The following PIP4K2C variants were observed in gnomAD, a reference collection of about 807,000 sequenced individuals.
The protein encoded by PIP4K2C is phosphatidylinositol-5-phosphate 4-kinase type 2 gamma.
Under a neutral mutation model 45.0 loss-of-function variants are expected in PIP4K2C, and 21 were observed. The ratio of observed to expected loss-of-function variants is 0.47; its 90% CI spans 0.33 to 0.67. The LOEUF (loss-of-function observed/expected upper bound fraction) is 0.67. Among genes scored for constraint, PIP4K2C ranks in the 30% least tolerant of loss-of-function variants. The pLI is 0.02. For missense variants in PIP4K2C, 456 were observed against 542.8 expected (o/e 0.84, Z 1.59); for synonymous variants, 201 against 204.8 (o/e 0.98, Z 0.16).
intron 1 of PIP4K2C, among the ~76,000 whole-genome samples, chr12:57,592,619 C>T (rs547707573): frequency 2.0e-5 from 3 of 152,090 alleles, no homozygotes; most frequent in Admixed American, 6.5e-5. Context: ...CTCATATGTA[C>T]CTTCCAGGTG....
At chr12:57,593,800 G>A (rs1410733351) in intron 1 of PIP4K2C, among the ~76,000 whole-genome samples, 1 of 150,768 alleles carries the variant, frequency 6.6e-6, no homozygotes, top group Non-Finnish European at 1.5e-5. Flanking sequence ...GTTCCATGGG[G>A]GTGGGCGTGT....
chr12:57,594,127 G>A lies in PIP4K2C; in HGVS notation c.272+5G>A, dbSNP rs758142748. 2 of 1,607,516 alleles carry A rather than the reference G, an allele frequency of 1.2e-6. No individual in the cohort carries two copies. Among genetic ancestry groups the A allele is most frequent in the African/African-American group, 1.3e-5 (1 of 74,658 alleles). Reference sequence around the variant, plus strand: ...CAACAATCACCTTTTCCACAGGTAAGTGATGATCCTTGCCATTCTCATGTC... The same window carrying A: ...CAACAATCACCTTTTCCACAGGTAAATGATGATCCTTGCCATTCTCATGTC... On this transcript the variant is annotated splice_donor_5th_base_variant and intron_variant, in intron 2 of 9. Transcript: ENST00000354947.
chr12:57,591,304 G>A lies in PIP4K2C; in HGVS notation c.15G>A (p.Ser5=), dbSNP rs758848462. The change falls in exon 1 of 10, where the codon TCG becomes TCA. Residue 5 remains serine, a synonymous_variant. Coordinates refer to ENST00000354947, the MANE Select transcript of PIP4K2C (RefSeq NM_024779.5). ...CGCGGGAGACTATGGCGTCCTCCTC[G>A]GTCCCACCAGCCACGGTATCGGCGG... MASS[S]VPPATVSAAT... 3 of 1,611,550 alleles carry A rather than the reference G, an allele frequency of 1.9e-6. No individual in the cohort carries two copies. Among genetic ancestry groups the A allele is most frequent in the Non-Finnish European group, 2.5e-6 (3 of 1,178,538 alleles).
At chr12:57,599,283 C>T in intron 5 of PIP4K2C, 72 bp downstream of exon 5, 1 of 1,606,510 alleles carries the variant, frequency 6.2e-7, no homozygotes, top group Non-Finnish European at 8.5e-7. Flanking sequence ...CCTGGGAGGT[C>T]TTTGGATGAT....
rs1021159680 is a variant in PIP4K2C at position 57,599,588 on chromosome 12, T to G, written c.699+150T>G. On this transcript the variant is annotated intron_variant, in intron 6 of 9. Transcript: ENST00000354947. ...AACCACTTAAAAGAAGGGGGTAAAC[T>G]TCTGTTGATCCGGGGATTGTTTGGA... The G allele has an allele frequency of 1.0e-5, 9 of 899,974 alleles. No individual in the cohort carries two copies. In the African/African-American group the frequency reaches 1.5e-4, roughly 15 times the overall value. The allele number at this position is 899,974 out of a possible 1,614,324, so 55.7% of individuals were successfully genotyped here.
intron 4 of PIP4K2C, chr12:57,598,146 A>G (rs1883270046): frequency 6.6e-6 from 1 of 152,214 alleles, no homozygotes; most frequent in Admixed American, 6.5e-5. Flanking sequence ...CCTGGGCTCA[A>G]GCGATCCTCC....
intron 1 of PIP4K2C, among the ~76,000 whole-genome samples, chr12:57,593,409 C>T (rs777321669): frequency 1.3e-5 from 2 of 152,002 alleles, no homozygotes; most frequent in Non-Finnish European, 2.9e-5. Flanking sequence ...AGCTCATATC[C>T]TCTGATTGCC....
chr12:57,599,312 G>T, intron 5 of PIP4K2C, 88 bp from the exon 6 acceptor site: 1 of 1,605,696 alleles, frequency 6.2e-7, no homozygotes, highest in African/African-American at 1.3e-5. Flanking sequence ...AGGGAAAGAA[G>T]GCTGGGTTTG....
At position 57,602,797 on chromosome 12, in the gene PIP4K2C, A is replaced by G. The variant is rs1372698065; in HGVS notation, c.*1191A>G. ...CCACCCCCAGAGAGGAGTCAGAGCC[A>G]TAACTCAATCACTCAGCCCCTCCAA... is the stretch of plus-strand genomic sequence containing the variant. On this transcript the variant is annotated 3_prime_UTR_variant, in exon 10 of 10. Transcript: ENST00000354947. 2.0e-5 allele frequency: 3 copies of G among 152,736 alleles called. No homozygotes were observed. The highest frequency in any genetic ancestry group is 4.8e-5 in the African/African-American group (2 of 41,430). The allele number at this position is 152,736 out of a possible 1,614,324, so 9.5% of individuals were successfully genotyped here.
intron 6 of PIP4K2C, 114 bp downstream of exon 6, chr12:57,599,552 T>A: frequency 8.4e-7 from 1 of 1,193,876 alleles, no homozygotes; most frequent in Non-Finnish European, 1.2e-6. Context: ...TACTAGCTAT[T>A]TATTATCTTA....
At position 57,602,394 on chromosome 12, in the gene PIP4K2C, C is replaced by G. The variant is rs1226165733; in HGVS notation, c.*788C>G. On this transcript the variant is annotated 3_prime_UTR_variant, in exon 10 of 10. Coordinates refer to ENST00000354947, the MANE Select transcript of PIP4K2C (RefSeq NM_024779.5). ...GGGGGAAGATGTTTGACTATTGCTG[C>G]TCTTCACCAGAACCTCACACCTCTC... is the stretch of plus-strand genomic sequence containing the variant. The G allele has an allele frequency of 6.6e-6, 1 of 152,324 alleles. No homozygotes were observed. The highest frequency in any genetic ancestry group is 1.5e-5 in the Non-Finnish European group (1 of 68,104). 9.4% of individuals were successfully genotyped at this position (152,324 alleles called of 1,614,324 possible).
intron 5 of PIP4K2C, 63 bp downstream of exon 5, chr12:57,599,274 C>G: frequency 6.2e-7 from 1 of 1,604,632 alleles, no homozygotes; most frequent in South Asian, 1.1e-5. Context: ...GGGGAAGACC[C>G]TGGGAGGTCT....
chr12:57,598,934 C>CT (rs1883306939), intron 4 of PIP4K2C, 131 bp from the exon 5 acceptor site: 3 of 1,015,516 alleles, frequency 3.0e-6, no homozygotes, highest in Non-Finnish European at 4.3e-6. Flanking sequence ...GCTTCCACCA[C>CT]TTTTGACTTT....
chr12:57,591,575 C>CG (rs1342355265), intron 1 of PIP4K2C, 112 bp downstream of exon 1: 1 of 1,300,350 alleles, frequency 7.7e-7, no homozygotes, highest in Admixed American at 2.6e-5. Context: ...TCCCCTCCCC[C>CG]GGGTTGTCTT....
At chr12:57,596,800 T>A (rs1263159555) in intron 4 of PIP4K2C, among the ~76,000 whole-genome samples, 1 of 152,186 alleles carries the variant, frequency 6.6e-6, no homozygotes, top group Non-Finnish European at 1.5e-5. Flanking sequence ...TATACAATAG[T>A]AGAAGTCTGT....
At chr12:57,599,013 T>C in intron 4 of PIP4K2C, 52 bp from the exon 5 acceptor site, 1 of 1,586,436 alleles carries the variant, frequency 6.3e-7, no homozygotes, top group Non-Finnish European at 8.6e-7. Context: ...CTGGGCTGTT[T>C]GTGTATCTGC....
intron 1 of PIP4K2C, among the ~76,000 whole-genome samples, chr12:57,592,973 C>G (rs1883026979): frequency 6.7e-6 from 1 of 149,450 alleles, no homozygotes; most frequent in Non-Finnish European, 1.5e-5. Context: ...GAGTTGGTTG[C>G]ACTGCAGTGT....
In PIP4K2C at chr12:57,601,663, G is replaced by GAAT; in HGVS notation, c.*58_*60dup. 3 of 1,416,800 alleles carry GAAT rather than the reference G, an allele frequency of 2.1e-6. No individual in the cohort carries two copies. Among genetic ancestry groups the GAAT allele is most frequent in the Non-Finnish European group, 2.0e-6 (2 of 1,000,342 alleles). 87.8% of individuals were successfully genotyped at this position (1,416,800 alleles called of 1,614,324 possible). On this transcript the variant is annotated 3_prime_UTR_variant, in exon 10 of 10. Coordinates refer to ENST00000354947, the MANE Select transcript of PIP4K2C (RefSeq NM_024779.5). ...TGGTGGGGTTCTGAGACACTTGGGG[G>GAAT]AATTGTGGGGATATTCTAGCCACCA...
chr12:57,591,283 G>A lies in PIP4K2C; in HGVS notation c.-7G>A, dbSNP rs1329893015. On this transcript the variant is annotated 5_prime_UTR_variant, in exon 1 of 10. Transcript: ENST00000354947. Reference sequence around the variant, plus strand: ...CGGCTTCCACTTGGTCGGTTGCGCGGGAGACTATGGCGTCCTCCTCGGTCC... The same window carrying A: ...CGGCTTCCACTTGGTCGGTTGCGCGAGAGACTATGGCGTCCTCCTCGGTCC... 4.4e-6 allele frequency: 7 copies of A among 1,599,882 alleles called. No homozygotes were observed. The highest frequency in any genetic ancestry group is 5.1e-6 in the Non-Finnish European group (6 of 1,170,992).
Sources: allele counts gnomAD v4.1 joint callset (sites outside exome capture counted in the v4.1 genomes callset), GRCh38; gene constraint gnomAD v4.1.1; transcripts MANE v1.5; gene names NCBI Gene and HGNC (gene_info 2026-07-23, HGNC 2026-07-21).